Variants in APPBP2 observed in about 807,000 individuals in gnomAD.
The protein encoded by APPBP2 is amyloid beta precursor protein binding protein 2.
In APPBP2, 15 loss-of-function variants were observed where a neutral mutation model predicts 76.0. That is an observed-to-expected ratio of 0.20 (90% CI 0.13 to 0.30). The LOEUF is 0.30. Ranked by LOEUF, APPBP2 falls within the 10% of genes least tolerant of loss-of-function variation. The probability of loss-of-function intolerance (pLI) is 1.00; values close to 1 mark genes in which losing one functional copy is unlikely to be tolerated. For missense variants in APPBP2, 401 were observed against 687.2 expected (o/e 0.58, Z 4.66); for synonymous variants, 222 against 242.2 (o/e 0.92, Z 0.77).
chr17:60,446,649 T>G lies in APPBP2; in HGVS notation c.*932A>C, dbSNP rs577414172. On this transcript the variant is annotated 3_prime_UTR_variant, in exon 13 of 13. Coordinates refer to ENST00000083182, the MANE Select transcript of APPBP2 (RefSeq NM_006380.5). The stretch of plus-strand genomic sequence containing the variant: ...CTGCAGCCGATATTTATAGACTTGC[T>G]TATGGCACTGCCATCTGTGTACCTT... 1 of 152,356 alleles carries G rather than the reference T, an allele frequency of 6.6e-6. No homozygotes were observed. Among genetic ancestry groups the G allele is most frequent in the Admixed American group, 6.5e-5 (1 of 15,306 alleles). 9.4% of individuals were successfully genotyped at this position (152,356 alleles called of 1,614,324 possible). A position where few individuals can be genotyped will look rare whatever the true frequency, so the allele number is the denominator to read the frequency against.
At chr17:60,473,002 T>C (rs1334457694) in intron 4 of APPBP2, among the ~76,000 whole-genome samples, 3 of 152,228 alleles carry the variant, frequency 2.0e-5, no homozygotes, top group Non-Finnish European at 4.4e-5. Context: ...GGTGTTTCCT[T>C]TTTATGATAT....
intron 3 of APPBP2, among the ~76,000 whole-genome samples, chr17:60,481,550 A>G (rs2090629031): frequency 6.6e-6 from 1 of 152,202 alleles, no homozygotes; most frequent in Non-Finnish European, 1.5e-5. Context: ...AATGTACTTA[A>G]TTTTATTTGG....
Position 60,443,258 on chromosome 17 carries a change from T to C in APPBP2, c.*4323A>G, listed in dbSNP as rs1598341100. On this transcript the variant is annotated 3_prime_UTR_variant, in exon 13 of 13. Transcript: ENST00000083182. ...TACAAACATACTTAGTATGGTTTAA[T>C]AGTTACAAATAACGGTGGGCACTAC... The C allele has an allele frequency of 2.0e-5, 3 of 152,790 alleles. No individual in the cohort carries two copies. The highest frequency in any genetic ancestry group is 2.0e-4 in the Admixed American group (3 of 15,308). 9.5% of individuals were successfully genotyped at this position (152,790 alleles called of 1,614,324 possible). A position where few individuals can be genotyped will look rare whatever the true frequency, so the allele number is the denominator to read the frequency against.
At chr17:60,523,789 T>C (rs2091028775) in intron 1 of APPBP2, among the ~76,000 whole-genome samples, 1 of 152,248 alleles carries the variant, frequency 6.6e-6, no homozygotes, top group Non-Finnish European at 1.5e-5. Flanking sequence ...AGTGTTATAA[T>C]ATCTTTCATT....
At chr17:60,512,564 C>T (rs1398692320) in intron 1 of APPBP2, among the ~76,000 whole-genome samples, 6 of 151,348 alleles carry the variant, frequency 4.0e-5, no homozygotes, top group East Asian at 1.9e-4. Flanking sequence ...GGGCTGGGTG[C>T]GGTGGCTCAC....
chr17:60,520,245 T>C (rs996456512), intron 1 of APPBP2, among the ~76,000 whole-genome samples: 1 of 152,174 alleles, frequency 6.6e-6, no homozygotes, highest in African/African-American at 2.4e-5. Flanking sequence ...TATTTTGTTT[T>C]TTCTTTTCAG....
intron 4 of APPBP2, among the ~76,000 whole-genome samples, chr17:60,475,246 A>C (rs1339627082): frequency 1.3e-5 from 2 of 152,112 alleles, no homozygotes; most frequent in Non-Finnish European, 2.9e-5. Flanking sequence ...AAAACAAAAA[A>C]CAAAAAACAT....
chr17:60,504,165 A>G (rs1208182027), intron 1 of APPBP2, among the ~76,000 whole-genome samples: 6 of 152,226 alleles, frequency 3.9e-5, no homozygotes, highest in Admixed American at 3.9e-4. Flanking sequence ...ATGTACCCGT[A>G]GCATAATGAA....
At chr17:60,518,994 T>C (rs1166061780) in intron 1 of APPBP2, among the ~76,000 whole-genome samples, 3 of 152,210 alleles carry the variant, frequency 2.0e-5, no homozygotes, top group African/African-American at 7.2e-5. Context: ...GTTCTCACTG[T>C]GTTGCCCAGG....
At chr17:60,510,203 G>C (rs1454861617) in intron 1 of APPBP2, among the ~76,000 whole-genome samples, 2 of 151,924 alleles carry the variant, frequency 1.3e-5, no homozygotes, top group African/African-American at 4.8e-5. Context: ...AGGAGTTTGA[G>C]ACCAGCCGGG....
At position 60,447,292 on chromosome 17, in the gene APPBP2, A is replaced by G. The variant is rs2090356339; in HGVS notation, c.*289T>C. The G allele has an allele frequency of 3.6e-6, 1 of 277,042 alleles. No individual in the cohort carries two copies. The allele number at this position is 277,042 out of a possible 1,614,324, so 17.2% of individuals were successfully genotyped here. ...ATTTTTTTTCTTTCAGGCTTTCTGC[A>G]AAATGAATTTTTTAAAAACAACAAA... On this transcript the variant is annotated 3_prime_UTR_variant, in exon 13 of 13. Transcript: ENST00000083182.
chr17:60,468,003 C>T (rs1354882210), intron 4 of APPBP2, among the ~76,000 whole-genome samples: 1 of 152,080 alleles, frequency 6.6e-6, no homozygotes, highest in African/African-American at 2.4e-5. Context: ...TTGTTTGCAA[C>T]AGTAAGGGAG....
chr17:60,451,757 G>GT, intron 12 of APPBP2, 123 bp downstream of exon 12: 2 of 829,090 alleles, frequency 2.4e-6, no homozygotes, highest in Non-Finnish European at 3.7e-6. Flanking sequence ...GGGATTACAG[G>GT]TATGAGCCAC....
Position 60,484,526 on chromosome 17 carries a change from ATG to A in APPBP2, c.380-5257_380-5256del, listed in dbSNP as rs201536029. Among the ~76,000 whole-genome samples the A allele has an allele frequency of 4.4e-3, 673 of 151,310 alleles. 12 individuals carry two copies. Among genetic ancestry groups the A allele is most frequent in the Admixed American group, 0.039 (585 of 15,184 alleles). On this transcript the variant is annotated intron_variant, in intron 3 of 12. Coordinates refer to ENST00000083182, the MANE Select transcript of APPBP2 (RefSeq NM_006380.5). ...GAGTTCACTCATAATTTGGCTGTTT[ATG>A]TGTTATTGGTGCATAAGAATGCTTG...
chr17:60,510,837 G>T (rs1295275868), intron 1 of APPBP2, among the ~76,000 whole-genome samples: 1 of 152,154 alleles, frequency 6.6e-6, no homozygotes, highest in East Asian at 1.9e-4. Flanking sequence ...TCATTAAAGT[G>T]TCATTTCAGA....
intron 3 of APPBP2, among the ~76,000 whole-genome samples, chr17:60,482,171 G>A (rs894771684): frequency 6.6e-6 from 1 of 152,156 alleles, no homozygotes; most frequent in African/African-American, 2.4e-5. Flanking sequence ...GTGAGCCACC[G>A]CGTCCGGCCG....
chr17:60,514,421 C>T (rs2090945894), intron 1 of APPBP2, among the ~76,000 whole-genome samples: 1 of 152,166 alleles, frequency 6.6e-6, no homozygotes, highest in Non-Finnish European at 1.5e-5. Context: ...GCCTGGACAA[C>T]AGAGCCAGAC....
At chr17:60,456,252 T>G in intron 10 of APPBP2, 44 bp downstream of exon 10, 1 of 1,260,544 alleles carries the variant, frequency 7.9e-7, no homozygotes, top group Admixed American at 1.7e-5. Flanking sequence ...TTATACCATA[T>G]ATCATCTATT....
At chr17:60,458,302 C>T (rs942073304) in intron 9 of APPBP2, among the ~76,000 whole-genome samples, 11 of 151,908 alleles carry the variant, frequency 7.2e-5, no homozygotes, top group African/African-American at 2.4e-4. Context: ...GGTGTGGTGG[C>T]GTGTGCCTGT....
Sources: gnomAD v4.1 joint callset for allele counts (sites outside exome capture counted in the v4.1 genomes callset) on GRCh38, gnomAD v4.1.1 for gene constraint, MANE v1.5 for transcripts, NCBI Gene and HGNC (gene_info 2026-07-23, HGNC 2026-07-21) for gene names.